The following TMEM132B variants were observed in gnomAD, a reference collection of about 807,000 sequenced individuals.
The protein encoded by TMEM132B is transmembrane protein 132B.
In TMEM132B, 18 loss-of-function variants were observed where a neutral mutation model predicts 90.8. The observed-to-expected ratio is 0.20, with a 90% CI of 0.14 to 0.29. The LOEUF is 0.29. TMEM132B is among the 10% of genes least tolerant of loss of function. TMEM132B has a pLI of 1.00. For missense variants in TMEM132B, 1,096 were observed against 1,326.8 expected, an observed-to-expected ratio of 0.83 and a Z score of 2.70; for synonymous variants, 504 against 523.3, an observed-to-expected ratio of 0.96 and a Z score of 0.50.
rs962580416 is a variant in TMEM132B at position 125,406,304 on chromosome 12, C to G, written c.960-9227C>G. On this transcript the variant is annotated intron_variant, in intron 2 of 8. Coordinates refer to ENST00000682704, the MANE Select transcript of TMEM132B (RefSeq NM_001366854.1). This position sits in a 1 kb window ranked among gnomAD's most constrained non-coding sequence, Gnocchi z 8.3. ...AGTTTCCTCATGTGGAAAATGGAAG[C>G]AGAAGCGATACTACCCCTGCGGGGT... Among the ~76,000 whole-genome samples, 1 of 152,216 alleles carries G rather than the reference C, an allele frequency of 6.6e-6. No homozygotes were observed. Among genetic ancestry groups the G allele is most frequent in the African/African-American group, 2.4e-5 (1 of 41,452 alleles).
intron 3 of TMEM132B, among the ~76,000 whole-genome samples, chr12:125,425,826 C>CTTAT: frequency 6.6e-6 from 1 of 152,134 alleles, no homozygotes; most frequent in Non-Finnish European, 1.5e-5. Context: ...CCTGGATGGA[C>CTTAT]CACAGTTTAT....
At chr12:125,336,844 C>A (rs1876978478) in intron 1 of TMEM132B, among the ~76,000 whole-genome samples, 1 of 152,202 alleles carries the variant, frequency 6.6e-6, no homozygotes, top group African/African-American at 2.4e-5. Context: ...TAAGCCTCAG[C>A]TGCTTCCCAA....
intron 3 of TMEM132B, among the ~76,000 whole-genome samples, chr12:125,515,176 T>C (rs973060497): frequency 6.0e-5 from 9 of 150,982 alleles, no homozygotes; most frequent in African/African-American, 2.2e-4. Flanking sequence ...TCTCCCACAC[T>C]CACACACGCA....
intron 4 of TMEM132B, among the ~76,000 whole-genome samples, chr12:125,571,513 T>C (rs1884793484): frequency 6.6e-6 from 1 of 152,236 alleles, no homozygotes; most frequent in Non-Finnish European, 1.5e-5. Context: ...CTGGAACTTA[T>C]CTAAGTGTTT....
intron 4 of TMEM132B, among the ~76,000 whole-genome samples, chr12:125,577,624 A>G (rs1884969567): frequency 6.6e-6 from 1 of 150,856 alleles, no homozygotes; most frequent in Non-Finnish European, 1.5e-5. Flanking sequence ...CTCTATTATT[A>G]TTGTCTTCCT....
chr12:125,526,004 T>A (rs1202801795), intron 4 of TMEM132B, among the ~76,000 whole-genome samples: 1 of 152,188 alleles, frequency 6.6e-6, no homozygotes, highest in Non-Finnish European at 1.5e-5. Context: ...ATTCCTGCTT[T>A]CTGTCCCTGA....
At position 125,186,624 on chromosome 12, in the gene TMEM132B, G is replaced by T. The variant is rs1189566014; in HGVS notation, c.-176G>T. 1.4e-5 allele frequency among the ~76,000 whole-genome samples: 2 copies of T among 146,932 alleles called. No homozygotes were observed. Among genetic ancestry groups the T allele is most frequent in the South Asian group, 2.1e-4 (1 of 4,820 alleles). The stretch of plus-strand genomic sequence containing the variant: ...CGAGCCCAGGAGAGCGCGCAGAGGC[G>T]CAGCCGAGGAAGCGCCGCCAGCGCC... On this transcript the variant is annotated 5_prime_UTR_variant, in exon 1 of 9. Transcript: ENST00000682704. This position sits in a 1 kb window ranked among gnomAD's most constrained non-coding sequence, Gnocchi z 6.3.
At chr12:125,286,227 C>G (rs1037334308) in intron 1 of TMEM132B, among the ~76,000 whole-genome samples, 1 of 152,220 alleles carries the variant, frequency 6.6e-6, no homozygotes, top group Non-Finnish European at 1.5e-5. Context: ...AGCGGGAGAA[C>G]CAGCACATAA....
chr12:125,397,325 G>A (rs910061834), intron 2 of TMEM132B, among the ~76,000 whole-genome samples: 2 of 152,094 alleles, frequency 1.3e-5, no homozygotes, highest in African/African-American at 2.4e-5. Context: ...GTAGGTTAAC[G>A]CCTGACAGGT....
intron 5 of TMEM132B, among the ~76,000 whole-genome samples, chr12:125,599,266 C>A (rs1341664423): frequency 6.6e-6 from 1 of 152,164 alleles, no homozygotes; most frequent in Non-Finnish European, 1.5e-5. Flanking sequence ...GTAAGATGTG[C>A]CTTTGCTCCT....
At chr12:125,194,936 T>G (rs1381263031) in intron 1 of TMEM132B, among the ~76,000 whole-genome samples, 1 of 152,250 alleles carries the variant, frequency 6.6e-6, no homozygotes, top group Non-Finnish European at 1.5e-5. Context: ...CAGACTTTTC[T>G]TATTAGTTGC....
intron 3 of TMEM132B, among the ~76,000 whole-genome samples, chr12:125,510,336 C>T (rs1882947294): frequency 6.6e-6 from 1 of 152,168 alleles, no homozygotes; most frequent in African/African-American, 2.4e-5. Flanking sequence ...TCATGCCAGT[C>T]TGCAAAGTAC....
intron 4 of TMEM132B, among the ~76,000 whole-genome samples, chr12:125,554,427 T>TTTAA (rs1388382286): frequency 2.9e-5 from 2 of 69,510 alleles, no homozygotes; most frequent in African/African-American, 1.0e-4. Flanking sequence ...TCCATTTCAT[T>TTTAA]AAAAAAAAAA....
At chr12:125,531,873 C>T (rs953399140) in intron 4 of TMEM132B, among the ~76,000 whole-genome samples, 5 of 152,232 alleles carry the variant, frequency 3.3e-5, no homozygotes, top group East Asian at 1.9e-4. Context: ...TAAATGCCGC[C>T]GTAGCACTTG....
intron 1 of TMEM132B, among the ~76,000 whole-genome samples, chr12:125,317,701 C>T: frequency 6.6e-6 from 1 of 152,146 alleles, no homozygotes; most frequent in East Asian, 1.9e-4. Context: ...TCACCTGGAG[C>T]CTTCACATTC....
intron 3 of TMEM132B, among the ~76,000 whole-genome samples, chr12:125,417,572 G>T (rs1880052050): frequency 6.6e-6 from 1 of 152,162 alleles, no homozygotes; most frequent in African/African-American, 2.4e-5. Flanking sequence ...ACTCACTCTT[G>T]GTTGCTGAGC....
At chr12:125,615,108 T>G (rs1195291913) in intron 5 of TMEM132B, among the ~76,000 whole-genome samples, 1 of 152,152 alleles carries the variant, frequency 6.6e-6, no homozygotes, top group Non-Finnish European at 1.5e-5. Flanking sequence ...ATTTTCTCTG[T>G]GTCTTTGTCT....
chr12:125,626,728 T>G (rs934802407), intron 5 of TMEM132B, among the ~76,000 whole-genome samples: 1 of 152,190 alleles, frequency 6.6e-6, no homozygotes. Context: ...GGATTTTCTC[T>G]TTGCTTTTGG....
intron 1 of TMEM132B, among the ~76,000 whole-genome samples, chr12:125,284,717 G>C (rs181516024): frequency 3.3e-5 from 5 of 152,222 alleles, no homozygotes; most frequent in Admixed American, 2.0e-4. Context: ...CAGTGTTCTT[G>C]TATACATTTC....
Sources: allele counts gnomAD v4.1 joint callset (sites outside exome capture counted in the v4.1 genomes callset), GRCh38; gene constraint gnomAD v4.1.1; non-coding constraint Gnocchi (gnomAD v3.1); transcripts MANE v1.5; gene names NCBI Gene and HGNC (gene_info 2026-07-23, HGNC 2026-07-21).